Variants in MYRIP observed in about 807,000 individuals in gnomAD.
MYRIP encodes the protein rab effector MyRIP.
A neutral mutation model predicts 98.0 loss-of-function variants in MYRIP; 49 were observed. That is an observed-to-expected ratio of 0.50 (90% CI 0.40 to 0.63). The LOEUF is 0.63. Ranked by LOEUF, MYRIP falls within the 30% of genes least tolerant of loss-of-function variation. The pLI, the probability that MYRIP is intolerant of heterozygous loss-of-function variation, is 0.00. For synonymous variants in MYRIP, 404 were observed against 409.5 expected (o/e 0.99, Z 0.16); for missense variants, 1,004 against 1,058.2 (o/e 0.95, Z 0.71).
intron 2 of MYRIP, among the ~76,000 whole-genome samples, chr3:39,913,055 C>T (rs1351392889): frequency 6.6e-6 from 1 of 151,956 alleles, no homozygotes; most frequent in Non-Finnish European, 1.5e-5. Context: ...AAATTATTTA[C>T]TGTGATAAAT....
intron 3 of MYRIP, among the ~76,000 whole-genome samples, chr3:40,112,436 T>C (rs1164892023): frequency 6.6e-6 from 1 of 152,220 alleles, no homozygotes; most frequent in Non-Finnish European, 1.5e-5. Context: ...GGGCCAACCC[T>C]CAATCAGCAA....
chr3:39,871,212 C>T (rs1011301005), intron 1 of MYRIP, among the ~76,000 whole-genome samples: 1 of 152,190 alleles, frequency 6.6e-6, no homozygotes, highest in Non-Finnish European at 1.5e-5. Context: ...TTATAGAACA[C>T]AGTGCTTGAA....
intron 10 of MYRIP, among the ~76,000 whole-genome samples, chr3:40,199,236 A>T (rs1951485391): frequency 6.6e-6 from 1 of 152,206 alleles, no homozygotes; most frequent in Non-Finnish European, 1.5e-5. Flanking sequence ...CCCCTGCTCT[A>T]AACTACTCCC....
intron 2 of MYRIP, among the ~76,000 whole-genome samples, chr3:39,966,171 A>G (rs748051264): frequency 2.6e-5 from 4 of 152,252 alleles, no homozygotes; most frequent in Non-Finnish European, 4.4e-5. Flanking sequence ...GCTCTGTCCA[A>G]TAAGTACAGA....
intron 2 of MYRIP, among the ~76,000 whole-genome samples, chr3:40,035,133 T>C (rs1250663455): frequency 6.7e-6 from 1 of 149,176 alleles, no homozygotes; most frequent in Non-Finnish European, 1.5e-5. Context: ...AAATGACAAG[T>C]TAATGGGTGC....
At chr3:40,065,478 C>T (rs1428186970) in intron 3 of MYRIP, among the ~76,000 whole-genome samples, 1 of 152,128 alleles carries the variant, frequency 6.6e-6, no homozygotes, top group Non-Finnish European at 1.5e-5. Flanking sequence ...ACTTGCCACT[C>T]ATCAGTGGTA....
At chr3:40,108,292 A>AAGGCATGTTGTGTGGGACAAC (rs34962017) in intron 3 of MYRIP, among the ~76,000 whole-genome samples, 49 of 151,018 alleles carry the variant, frequency 3.2e-4, no homozygotes, top group Non-Finnish European at 5.2e-4. Context: ...CAGAGTTTAT[A>AAGGCATGTTGTGTGGGACAAC]ATTTAAGGCA....
At chr3:39,885,981 C>A (rs1346579307) in intron 1 of MYRIP, among the ~76,000 whole-genome samples, 2 of 151,984 alleles carry the variant, frequency 1.3e-5, no homozygotes, top group Admixed American at 6.6e-5. Context: ...TCATCTGAAG[C>A]CTTCTTCTCT....
intron 3 of MYRIP, among the ~76,000 whole-genome samples, chr3:40,131,712 G>T (rs553449891): frequency 6.6e-6 from 1 of 152,212 alleles, no homozygotes; most frequent in African/African-American, 2.4e-5. Flanking sequence ...GTTACATTTT[G>T]CTACATTATC....
intron 1 of MYRIP, among the ~76,000 whole-genome samples, chr3:39,865,950 A>G (rs998249083): frequency 8.5e-5 from 13 of 152,208 alleles, no homozygotes; most frequent in African/African-American, 2.9e-4. Flanking sequence ...TAGACCAGAT[A>G]AAGAAAATGT....
chr3:40,056,479 G>A (rs1008537147), intron 3 of MYRIP, among the ~76,000 whole-genome samples: 74 of 152,040 alleles, frequency 4.9e-4, no homozygotes, highest in Admixed American at 2.0e-4. Context: ...ACAGTTTCTC[G>A]AGGCTTATGG....
chr3:40,031,929 CA>C (rs1947271026), intron 2 of MYRIP, among the ~76,000 whole-genome samples: 1 of 151,970 alleles, frequency 6.6e-6, no homozygotes, highest in Non-Finnish European at 1.5e-5. Flanking sequence ...TTGATCCTTT[CA>C]AAAAACCAGC....
intron 11 of MYRIP, among the ~76,000 whole-genome samples, chr3:40,218,626 A>T (rs1199606004): frequency 0.044 from 644 of 14,750 alleles, 24 homozygotes; most frequent in Middle Eastern, 0.091. Flanking sequence ...ATATATATAT[A>T]TATATATATA....
In MYRIP at chr3:40,154,138, C is replaced by CAA. The variant is rs5848550; in HGVS notation, c.469+2968_469+2969dup. 1.1e-3 allele frequency among the ~76,000 whole-genome samples: 154 copies of CAA among 138,360 alleles called. No homozygotes were observed. The Middle Eastern group carries it at 0.015, about 14-fold the overall frequency. 90.8% of individuals were successfully genotyped at this position (138,360 alleles called of 152,430 possible). On this transcript the variant is annotated intron_variant, in intron 4 of 16. Coordinates refer to ENST00000302541, the MANE Select transcript of MYRIP (RefSeq NM_015460.4). ...CTGGCAATAGAGTGAGATTCCGTCT[C>CAA]AAAAAAAAAAAAAAATTCATTGAAG...
rs776492660 is a variant in MYRIP, at chr3:39,989,284, T to C, written c.111-54766T>C. Among the ~76,000 whole-genome samples, 10 of 152,174 alleles carry C rather than the reference T, an allele frequency of 6.6e-5. 1 individual carries two copies. The highest frequency in any genetic ancestry group is 9.7e-5 in the African/African-American group (4 of 41,444). ...GTTTTTCTTGCAGTTATCAGGTCCCTCTTCTGTAGGGCTGCTGTGGTTTGC... is the reference window on the plus strand; with the variant it reads ...GTTTTTCTTGCAGTTATCAGGTCCCCCTTCTGTAGGGCTGCTGTGGTTTGC... On this transcript the variant is annotated intron_variant, in intron 2 of 16. Transcript: ENST00000302541.
chr3:39,919,683 G>A (rs995496820), intron 2 of MYRIP, among the ~76,000 whole-genome samples: 2 of 149,256 alleles, frequency 1.3e-5, no homozygotes, highest in South Asian at 2.1e-4. Context: ...CCATGTGTGC[G>A]GGTATGTGTG....
rs374777644 is a variant in MYRIP at position 39,971,492 on chromosome 3, TAAATC to T, written c.110+70571_110+70575del. ...TTACTTATAAGTACAATTTAGATCA[TAAATC>T]AAATAGAAAACCAGATGGAAGCATT... On this transcript the variant is annotated intron_variant, in intron 2 of 16. Transcript: ENST00000302541. Among the ~76,000 whole-genome samples, 401 of 152,190 alleles carry T rather than the reference TAAATC, an allele frequency of 2.6e-3. 1 individual carries two copies. Among genetic ancestry groups the T allele is most frequent in the African/African-American group, 8.7e-3 (361 of 41,564 alleles).
intron 13 of MYRIP, 46 bp downstream of exon 13, chr3:40,244,653 A>G: frequency 3.9e-6 from 6 of 1,542,138 alleles, no homozygotes; most frequent in Non-Finnish European, 5.2e-6. Flanking sequence ...AGGGTGAAAC[A>G]GGGAGCCCCA....
intron 12 of MYRIP, 40 bp from the exon 13 acceptor site, chr3:40,244,406 G>A (rs942171046): frequency 6.4e-7 from 1 of 1,564,826 alleles, no homozygotes; most frequent in South Asian, 1.2e-5. Context: ...CCAGTCCCAA[G>A]TCTGCAGACA....
Sources: gnomAD v4.1 joint callset for allele counts (sites outside exome capture counted in the v4.1 genomes callset) on GRCh38, gnomAD v4.1.1 for gene constraint, MANE v1.5 for transcripts, NCBI Gene and HGNC (gene_info 2026-07-23, HGNC 2026-07-21) for gene names.